CDC42BPA: variants seen among roughly 807,000 people sequenced by gnomAD.
CDC42BPA encodes the protein CDC42 binding protein kinase alpha, also known as serine/threonine-protein kinase MRCK alpha.
CDC42BPA carries 80 observed loss-of-function variants against 223.5 expected under a neutral mutation model. That is an observed-to-expected ratio of 0.36 (90% CI 0.30 to 0.43). The LOEUF is 0.43. Ranked by LOEUF, CDC42BPA falls within the 20% of genes least tolerant of loss-of-function variation. The pLI, the probability that CDC42BPA is intolerant of heterozygous loss-of-function variation, is 1.00. For missense variants in CDC42BPA, 1,743 were observed against 2,099.9 expected (o/e 0.83, Z 3.32); for synonymous variants, 694 against 718.6 (o/e 0.97, Z 0.55).
intron 16 of CDC42BPA, among the ~76,000 whole-genome samples, chr1:227,081,984 T>C (rs1449788488): frequency 6.6e-6 from 1 of 152,158 alleles, no homozygotes; most frequent in African/African-American, 2.4e-5. Context: ...AACTTGTTTA[T>C]TAAACTGAAT....
At chr1:227,124,719 C>G (rs542552540) in intron 11 of CDC42BPA, among the ~76,000 whole-genome samples, 1 of 151,878 alleles carries the variant, frequency 6.6e-6, no homozygotes, top group Non-Finnish European at 1.5e-5. Context: ...TAATGAAGGG[C>G]CTTGTATTAG....
intron 1 of CDC42BPA, among the ~76,000 whole-genome samples, chr1:227,293,406 T>C (rs535702083): frequency 2.0e-5 from 3 of 152,064 alleles, no homozygotes; most frequent in Non-Finnish European, 2.9e-5. Context: ...ACAGAACTTA[T>C]AATGTGTTAT....
intron 17 of CDC42BPA, among the ~76,000 whole-genome samples, chr1:227,076,959 T>C (rs1223145999): frequency 6.6e-6 from 1 of 152,202 alleles, no homozygotes; most frequent in African/African-American, 2.4e-5. Context: ...TTGCTGAAGC[T>C]AATCTGTTAA....
intron 1 of CDC42BPA, among the ~76,000 whole-genome samples, chr1:227,285,024 G>A (rs549338318): frequency 1.3e-5 from 2 of 151,402 alleles, no homozygotes; most frequent in East Asian, 3.9e-4. Context: ...ACATACCTCT[G>A]GATAGAGAAA....
chr1:227,280,657 T>C (rs1687870164), intron 1 of CDC42BPA, among the ~76,000 whole-genome samples: 1 of 152,258 alleles, frequency 6.6e-6, no homozygotes, highest in African/African-American at 2.4e-5. Context: ...AATTATCTCC[T>C]GAGCTTTAGT....
intron 2 of CDC42BPA, among the ~76,000 whole-genome samples, chr1:227,226,218 G>C (rs1676842645): frequency 1.3e-5 from 2 of 152,280 alleles, no homozygotes; most frequent in African/African-American, 4.8e-5. Context: ...CCTTAAGTCA[G>C]CTAGCTGGAT....
At position 227,171,616 on chromosome 1, in the gene CDC42BPA, C is replaced by CA. The variant is rs544183179; in HGVS notation, c.600-10981dup. Among the ~76,000 whole-genome samples, 181 of 148,726 alleles carry CA rather than the reference C, an allele frequency of 1.2e-3. 5 individuals carry two copies. The South Asian group carries it at 0.027, about 22-fold the overall frequency. On this transcript the variant is annotated intron_variant, in intron 5 of 36. Transcript: ENST00000366766. ...TGGGTGACAGAGCAAGATCCTGTCT[C>CA]AAAAAAAAAGCATTCTAAAACAACG...
intron 31 of CDC42BPA, among the ~76,000 whole-genome samples, chr1:227,024,658 A>G (rs1667926887): frequency 1.3e-5 from 2 of 151,966 alleles, no homozygotes; most frequent in African/African-American, 4.8e-5. Context: ...GACTCAGTGG[A>G]TGAGTAAAGA....
intron 1 of CDC42BPA, among the ~76,000 whole-genome samples, chr1:227,276,884 GT>G (rs1382452599): frequency 3.3e-5 from 5 of 151,954 alleles, no homozygotes; most frequent in Non-Finnish European, 7.4e-5. Flanking sequence ...CAGCATGCTC[GT>G]TAAGAGTCAT....
intron 2 of CDC42BPA, among the ~76,000 whole-genome samples, chr1:227,251,172 T>C (rs1403061223): frequency 2.6e-5 from 4 of 151,786 alleles, no homozygotes; most frequent in South Asian, 2.1e-4. Flanking sequence ...CCTAAATAAA[T>C]AGGTACAATA....
intron 14 of CDC42BPA, among the ~76,000 whole-genome samples, chr1:227,103,263 T>C (rs1015265376): frequency 2.0e-5 from 3 of 152,100 alleles, no homozygotes; most frequent in African/African-American, 7.2e-5. Flanking sequence ...TGTGTTAGAA[T>C]TGATAGTTGA....
chr1:227,098,142 C>A (rs1483276549), intron 15 of CDC42BPA, among the ~76,000 whole-genome samples: 1 of 152,154 alleles, frequency 6.6e-6, no homozygotes, highest in Admixed American at 6.6e-5. Flanking sequence ...GCGCTGCTAA[C>A]ACAAGGACAC....
chr1:227,144,145 G>A (rs1453151504), intron 8 of CDC42BPA, among the ~76,000 whole-genome samples: 3 of 152,154 alleles, frequency 2.0e-5, no homozygotes, highest in Middle Eastern at 3.4e-3. Flanking sequence ...GTTATATAAC[G>A]TGTACCGATT....
intron 2 of CDC42BPA, among the ~76,000 whole-genome samples, chr1:227,218,552 T>C (rs1675281467): frequency 6.6e-6 from 1 of 152,206 alleles, no homozygotes; most frequent in African/African-American, 2.4e-5. Flanking sequence ...AAACTAATGT[T>C]TGGAGAAGTT....
At chr1:227,311,970 A>G (rs950120734) in intron 1 of CDC42BPA, among the ~76,000 whole-genome samples, 1 of 152,176 alleles carries the variant, frequency 6.6e-6, no homozygotes, top group Non-Finnish European at 1.5e-5. Context: ...TGAACTGTCT[A>G]TATTTTCACT....
chr1:227,269,169 G>T (rs1200381398), intron 1 of CDC42BPA, among the ~76,000 whole-genome samples: 1 of 152,172 alleles, frequency 6.6e-6, no homozygotes, highest in South Asian at 2.1e-4. Context: ...AAACAAATAG[G>T]TGGGGCTATG....
chr1:227,276,543 C>CCT (rs1465343608), intron 1 of CDC42BPA, among the ~76,000 whole-genome samples: 1 of 149,818 alleles, frequency 6.7e-6, no homozygotes, highest in Non-Finnish European at 1.5e-5. Context: ...GTGCGGGGCG[C>CCT]CTCTGCCCAG....
chr1:227,177,553 T>C (rs931405009), intron 5 of CDC42BPA, among the ~76,000 whole-genome samples: 1 of 152,162 alleles, frequency 6.6e-6, no homozygotes, highest in Non-Finnish European at 1.5e-5. Flanking sequence ...TGTACTTTGA[T>C]TTTGATGAGC....
chr1:227,084,826 G>C (rs73093495), intron 16 of CDC42BPA, among the ~76,000 whole-genome samples: 23,443 of 151,928 alleles, frequency 0.15, 2,188 homozygotes, highest in African/African-American at 0.25. Flanking sequence ...ATTCTGGGTA[G>C]GTCTGTGAGG....
Sources: gnomAD v4.1 joint callset for allele counts (sites outside exome capture counted in the v4.1 genomes callset) on GRCh38, gnomAD v4.1.1 for gene constraint, MANE v1.5 for transcripts, NCBI Gene and HGNC (gene_info 2026-07-23, HGNC 2026-07-21) for gene names.